Variants in PSME3IP1 observed in about 807,000 individuals in gnomAD.
The protein encoded by PSME3IP1 is PSME3-interacting protein.
In PSME3IP1, 13 loss-of-function variants were observed where a neutral mutation model predicts 34.1. The ratio of observed to expected loss-of-function variants is 0.38; its 90% CI spans 0.25 to 0.61. The LOEUF is 0.61. Among genes scored for constraint, PSME3IP1 ranks in the 20% least tolerant of loss-of-function variants. PSME3IP1 has a pLI of 0.60. For synonymous variants in PSME3IP1, 93 were observed against 114.3 expected, an observed-to-expected ratio of 0.81 and a Z score of 1.19; for missense variants, 237 against 301.4, an observed-to-expected ratio of 0.79 and a Z score of 1.58.
rs2070298646 is a variant in PSME3IP1 at position 57,154,570 on chromosome 16, C to T, written c.548-63G>A. ...TTTTCCAAAGTTGGGGACTGACTTA[C>T]CATGTGCCAGGCACTGTACCAAGGG... On this transcript the variant is annotated intron_variant, in intron 6 of 6. Coordinates refer to ENST00000309137, the MANE Select transcript of PSME3IP1 (RefSeq NM_024946.4). This position sits in a 1 kb window ranked among gnomAD's most constrained non-coding sequence, Gnocchi z 4.0. 7.1e-7 allele frequency: 1 copy of T among 1,403,406 alleles called. No homozygotes were observed. The allele number at this position is 1,403,406 out of a possible 1,614,324, so 86.9% of individuals were successfully genotyped here.
intron 5 of PSME3IP1, 105 bp downstream of exon 5, chr16:57,166,988 C>A: frequency 7.4e-7 from 1 of 1,355,416 alleles, no homozygotes; most frequent in Non-Finnish European, 1.0e-6. Flanking sequence ...AAGGGAACTT[C>A]ACCAGGACTC....
intron 6 of PSME3IP1, among the ~76,000 whole-genome samples, chr16:57,161,698 G>A (rs1452507876): frequency 1.3e-5 from 2 of 151,968 alleles, no homozygotes; most frequent in Non-Finnish European, 2.9e-5. Flanking sequence ...ATTTTTAGTA[G>A]AGACGGGGTT....
At chr16:57,183,982 A>G (rs1289937852) in intron 1 of PSME3IP1, among the ~76,000 whole-genome samples, 1 of 152,234 alleles carries the variant, frequency 6.6e-6, no homozygotes, top group Non-Finnish European at 1.5e-5. Context: ...GGAATTAAAC[A>G]TAGAGATTAT....
intron 1 of PSME3IP1, among the ~76,000 whole-genome samples, chr16:57,180,369 C>A (rs1597775565): frequency 6.6e-6 from 1 of 151,774 alleles, no homozygotes; most frequent in Admixed American, 6.6e-5. Flanking sequence ...GCAGGAGGAT[C>A]GCTTGAGGTC....
chr16:57,160,345 G>A (rs992971657), intron 6 of PSME3IP1, among the ~76,000 whole-genome samples: 3 of 152,072 alleles, frequency 2.0e-5, no homozygotes, highest in Admixed American at 1.3e-4. Flanking sequence ...ATGTGTGTGT[G>A]TGTATACACA....
intron 1 of PSME3IP1, chr16:57,175,783 T>C (rs1050813454): frequency 1.3e-5 from 2 of 152,214 alleles, no homozygotes. Context: ...AACAAAGACA[T>C]GTCGACTTCA....
chr16:57,179,173 C>CAT (rs3054322), intron 1 of PSME3IP1, among the ~76,000 whole-genome samples: 18,570 of 152,132 alleles, frequency 0.12, 1,556 homozygotes, highest in East Asian at 0.23. Context: ...CCTTTACTCA[C>CAT]GTTTTCCAAA....
intron 1 of PSME3IP1, among the ~76,000 whole-genome samples, chr16:57,184,229 T>C (rs1385013964): frequency 6.7e-6 from 1 of 149,970 alleles, no homozygotes; most frequent in African/African-American, 2.5e-5. Flanking sequence ...AGTGAAAAGG[T>C]TTAGTTAAAT....
Position 57,167,192 on chromosome 16 carries a change from T to C in PSME3IP1, c.383A>G (p.Asn128Ser), listed in dbSNP as rs2071984983. 7 of 1,614,124 alleles carry C rather than the reference T, an allele frequency of 4.3e-6. No individual in the cohort carries two copies. The highest frequency in any genetic ancestry group is 5.9e-6 in the Non-Finnish European group (7 of 1,180,048). Residue 128 changes from asparagine (N) to serine (S), a missense_variant, in exon 5 of 7, where the codon AAC becomes AGC. Physicochemically the swap from Asn to Ser is conservative, Grantham distance 46. Coordinates refer to ENST00000309137, the MANE Select transcript of PSME3IP1 (RefSeq NM_024946.4). ...CAGTTTCTTTTCCACTTCCTTCTTG[T>C]TCTCTTGAGAAATTCCAACCTTCTT... ...NLKKVGISQE[N>S]KKEVEKKLTV...
intron 6 of PSME3IP1, among the ~76,000 whole-genome samples, chr16:57,158,229 A>G (rs2070789751): frequency 6.6e-6 from 1 of 152,256 alleles, no homozygotes; most frequent in Non-Finnish European, 1.5e-5. Context: ...AATACATTGT[A>G]GTACTTATGT....
chr16:57,181,390 A>C (rs1203701807), intron 1 of PSME3IP1, among the ~76,000 whole-genome samples: 3 of 152,160 alleles, frequency 2.0e-5, no homozygotes, highest in Non-Finnish European at 2.9e-5. Flanking sequence ...GAAAAAAAAA[A>C]CCCAAACCAA....
At chr16:57,173,999 A>C (rs1190115739) in intron 1 of PSME3IP1, 130 bp from the exon 2 acceptor site, 2 of 1,020,028 alleles carry the variant, frequency 2.0e-6, no homozygotes, top group African/African-American at 3.3e-5. Context: ...CCAACTTTGA[A>C]TTGAAAAAAT....
At chr16:57,173,522 G>A (rs776056543) in intron 2 of PSME3IP1, among the ~76,000 whole-genome samples, 3 of 152,164 alleles carry the variant, frequency 2.0e-5, no homozygotes, top group East Asian at 1.9e-4. Flanking sequence ...CCAACTACTC[G>A]GAAGGCTAAG....
In PSME3IP1 at chr16:57,152,542, T is replaced by C. The variant is rs1421483177; in HGVS notation, c.*1748A>G. 1 of 152,482 alleles carries C rather than the reference T, an allele frequency of 6.6e-6. No homozygotes were observed. The highest frequency in any genetic ancestry group is 2.4e-5 in the African/African-American group (1 of 41,420). 9.4% of individuals were successfully genotyped at this position (152,482 alleles called of 1,614,324 possible). ...CCCTGCAACCCTCTGTCAACTTCTT[T>C]CCACATCAAGAGGCCATGAGATACA... On this transcript the variant is annotated 3_prime_UTR_variant, in exon 7 of 7. Coordinates refer to ENST00000309137, the MANE Select transcript of PSME3IP1 (RefSeq NM_024946.4).
intron 6 of PSME3IP1, among the ~76,000 whole-genome samples, chr16:57,155,523 T>C (rs1192673392): frequency 6.6e-6 from 1 of 152,064 alleles, no homozygotes; most frequent in African/African-American, 2.4e-5. Flanking sequence ...AATCCCACAC[T>C]TTGGGAGGCC....
Position 57,156,233 on chromosome 16 carries a change from C to G in PSME3IP1, c.548-1726G>C, listed in dbSNP as rs888019192. ...AGAAAATGTGAAACTAAACGTGAAT[C>G]AAAAGAGAACATACGAAAATGATAA... On this transcript the variant is annotated intron_variant, in intron 6 of 6. Coordinates refer to ENST00000309137, the MANE Select transcript of PSME3IP1 (RefSeq NM_024946.4). Among the ~76,000 whole-genome samples, 4 of 152,262 alleles carry G rather than the reference C, an allele frequency of 2.6e-5. No homozygotes were observed. The South Asian group carries it at 8.3e-4, about 32-fold the overall frequency.
chr16:57,170,239 T>A (rs188102518), intron 4 of PSME3IP1, among the ~76,000 whole-genome samples: 1 of 152,216 alleles, frequency 6.6e-6, no homozygotes, highest in African/African-American at 2.4e-5. Context: ...CAAGCCACCA[T>A]GCCCGGCTAA....
Position 57,173,636 on chromosome 16 carries a change from T to A in PSME3IP1, c.127+92A>T, listed in dbSNP as rs546760142. ...AGAGTGAGACTCCGTCTCAAAAAAA[T>A]AAATAAATAAAACCAAGTGAGGACA... On this transcript the variant is annotated intron_variant, in intron 2 of 6. Coordinates refer to ENST00000309137, the MANE Select transcript of PSME3IP1 (RefSeq NM_024946.4). 676 of 1,478,750 alleles carry A rather than the reference T, an allele frequency of 4.6e-4. 1 individual carries two copies. The highest frequency in any genetic ancestry group is 2.5e-3 in the Middle Eastern group (10 of 4,032). 91.6% of individuals were successfully genotyped at this position (1,478,750 alleles called of 1,614,324 possible).
At position 57,154,472 on chromosome 16, in the gene PSME3IP1, G is replaced by A; in HGVS notation, c.583C>T (p.Leu195=). The change falls in exon 7 of 7, where the codon CTG becomes TTG. Residue 195 remains leucine, a synonymous_variant. Coordinates refer to ENST00000309137, the MANE Select transcript of PSME3IP1 (RefSeq NM_024946.4). The surrounding 1 kb of genome is among the most constrained non-coding windows in gnomAD (Gnocchi z 4.0). The stretch of plus-strand genomic sequence containing the variant: ...GGGCAGTGGATGGAGGGGCCACTCA[G>A]GGAGGTGTTTCCGAGAGACTTGCAG... ...SSCKSLGNTS[L]SGPSIHCPSA... The A allele has an allele frequency of 6.2e-7, 1 of 1,613,074 alleles. No individual in the cohort carries two copies. Among genetic ancestry groups the A allele is most frequent in the Non-Finnish European group, 8.5e-7 (1 of 1,179,256 alleles).
Sources: gnomAD v4.1 joint callset for allele counts (sites outside exome capture counted in the v4.1 genomes callset) on GRCh38, gnomAD v4.1.1 for gene constraint, Gnocchi (gnomAD v3.1) non-coding constraint, MANE v1.5 for transcripts, NCBI Gene and HGNC (gene_info 2026-07-23, HGNC 2026-07-21) for gene names.